The following MED13L variants were observed in gnomAD, a reference collection of about 807,000 sequenced individuals.
MED13L encodes the protein mediator of RNA polymerase II transcription subunit 13-like.
MED13L carries 7 observed loss-of-function variants against 220.9 expected under a neutral mutation model. The ratio of observed to expected loss-of-function variants is 0.03; its 90% CI spans 0.02 to 0.06. The LOEUF is 0.06. Among genes scored for constraint, MED13L ranks in the 10% least tolerant of loss-of-function variants. The pLI is 1.00. For synonymous variants in MED13L, 1,011 were observed against 1,015.2 expected (o/e 1.00, Z 0.08); for missense variants, 1,965 against 2,760.5 (o/e 0.71, Z 6.46).
At chr12:116,236,076 T>C (rs10850599) in intron 2 of MED13L, among the ~76,000 whole-genome samples, 16,406 of 152,206 alleles carry the variant, frequency 0.11, 1,638 homozygotes, top group East Asian at 0.39. Context: ...CTAGGTGACA[T>C]CTTATTTTTA....
intron 25 of MED13L, 73 bp downstream of exon 25, chr12:115,975,098 T>C: frequency 7.0e-7 from 1 of 1,431,344 alleles, no homozygotes. Flanking sequence ...ATTTTCTCCC[T>C]TAGCTCAGTT....
At chr12:116,086,314 A>T (rs1871683644) in intron 4 of MED13L, among the ~76,000 whole-genome samples, 1 of 137,200 alleles carries the variant, frequency 7.3e-6, no homozygotes. Flanking sequence ...CAAGAGTCTC[A>T]TTCTTGTTGC....
chr12:116,274,041 G>T (rs1873609203), intron 1 of MED13L, among the ~76,000 whole-genome samples: 1 of 152,120 alleles, frequency 6.6e-6, no homozygotes, highest in Non-Finnish European at 1.5e-5. Flanking sequence ...GAGTCAGAAA[G>T]GCACAGGCAG....
chr12:116,263,570 A>ATCTTACTATGT (rs1593224285), intron 1 of MED13L, among the ~76,000 whole-genome samples: 2 of 152,218 alleles, frequency 1.3e-5, no homozygotes, highest in East Asian at 3.8e-4. Context: ...TGTGTGGGCT[A>ATCTTACTATGT]GCTACTAGCT....
intron 2 of MED13L, among the ~76,000 whole-genome samples, chr12:116,146,786 T>C (rs1391985589): frequency 6.6e-6 from 1 of 151,872 alleles, no homozygotes; most frequent in Non-Finnish European, 1.5e-5. Flanking sequence ...AAAAATTGCT[T>C]GAACCCAGGA....
intron 2 of MED13L, among the ~76,000 whole-genome samples, chr12:116,127,001 T>A (rs974230739): frequency 3.9e-5 from 6 of 152,084 alleles, no homozygotes; most frequent in African/African-American, 1.2e-4. Context: ...AAAAAATATA[T>A]ATATTTTCCA....
At chr12:116,047,441 C>A (rs951758306) in intron 4 of MED13L, among the ~76,000 whole-genome samples, 1 of 152,176 alleles carries the variant, frequency 6.6e-6, no homozygotes, top group African/African-American at 2.4e-5. Flanking sequence ...GAGCAAGAAA[C>A]ACCATTTCTT....
intron 2 of MED13L, among the ~76,000 whole-genome samples, chr12:116,168,604 G>C (rs911917714): frequency 6.6e-6 from 1 of 152,130 alleles, no homozygotes; most frequent in Non-Finnish European, 1.5e-5. Flanking sequence ...TCTAATCAAT[G>C]AAAAAATATA....
Position 115,968,922 on chromosome 12 carries a change from A to C in MED13L, c.6225+18T>G. 6.2e-7 allele frequency: 1 copy of C among 1,613,802 alleles called. No homozygotes were observed. Among genetic ancestry groups the C allele is most frequent in the South Asian group, 1.1e-5 (1 of 91,078 alleles). ...AGGCTATGGTTGTCTTAAACAACGT[A>C]CTCCAAATCATCCTTACCCGACTAT... On this transcript the variant is annotated intron_variant, in intron 28 of 30. Transcript: ENST00000281928.
rs77587044 is a variant in MED13L, at chr12:116,163,177, A to G, written c.311-51665T>C. Among the ~76,000 whole-genome samples the G allele has an allele frequency of 2.6e-3, 389 of 152,304 alleles. 7 individuals are homozygous for G. In the East Asian group the frequency reaches 0.048, roughly 19 times the overall value. ...CAAAATACAAACAAAACTGCCTAATATATTCATGAATCAAAACAAAGGTTT... is the reference window on the plus strand; with the variant it reads ...CAAAATACAAACAAAACTGCCTAATGTATTCATGAATCAAAACAAAGGTTT... On this transcript the variant is annotated intron_variant, in intron 2 of 30. Coordinates refer to ENST00000281928, the MANE Select transcript of MED13L (RefSeq NM_015335.5).
intron 4 of MED13L, among the ~76,000 whole-genome samples, chr12:116,028,042 G>A (rs1037157790): frequency 6.6e-6 from 1 of 152,084 alleles, no homozygotes; most frequent in Non-Finnish European, 1.5e-5. Flanking sequence ...GAACCAATAG[G>A]GCTAAAAAGA....
intron 4 of MED13L, among the ~76,000 whole-genome samples, chr12:116,023,502 T>C (rs572530590): frequency 6.6e-6 from 1 of 152,302 alleles, no homozygotes; most frequent in East Asian, 1.9e-4. Context: ...ATGCTGCTTC[T>C]TTTCAAAACT....
At chr12:116,206,183 C>A (rs551419279) in intron 2 of MED13L, among the ~76,000 whole-genome samples, 11 of 147,148 alleles carry the variant, frequency 7.5e-5, no homozygotes, top group Non-Finnish European at 1.6e-4. Flanking sequence ...TGGGTTCAAG[C>A]AGTTCTCCTG....
chr12:116,193,011 C>A (rs11067939), intron 2 of MED13L, among the ~76,000 whole-genome samples: 1,778 of 152,280 alleles, frequency 0.012, 20 homozygotes, highest in Admixed American at 0.016. Flanking sequence ...GCCTGTAGTC[C>A]CAGCTACTCA....
chr12:115,985,533 A>G (rs1877624821), intron 19 of MED13L, among the ~76,000 whole-genome samples: 1 of 152,244 alleles, frequency 6.6e-6, no homozygotes, highest in South Asian at 2.1e-4. Flanking sequence ...AATATTTTAC[A>G]GATATTAATT....
At position 115,968,961 on chromosome 12, in the gene MED13L, G is replaced by A. The variant is rs1024930188; in HGVS notation, c.6204C>T (p.Gly2068=). The A allele has an allele frequency of 3.7e-6, 6 of 1,613,996 alleles. No homozygotes were observed. Among genetic ancestry groups the A allele is most frequent in the Non-Finnish European group, 4.2e-6 (5 of 1,179,948 alleles). The change falls in exon 28 of 31, where the codon GGC becomes GGT. Residue 2068 remains glycine (G), a synonymous_variant. Coordinates refer to ENST00000281928, the MANE Select transcript of MED13L (RefSeq NM_015335.5). ...TTACCCGACTATGCTGGAAGTGAGA[G>A]CCCACACCAATTCCAGAAGGAGAGC... ...SPGSPSGIGV[G]SHFQHSRSQG... is the part of the protein sequence containing the mutation.
intron 4 of MED13L, among the ~76,000 whole-genome samples, chr12:116,079,562 C>T (rs574935376): frequency 8.6e-5 from 13 of 151,772 alleles, no homozygotes; most frequent in Non-Finnish European, 1.6e-4. Flanking sequence ...TATGTTTTTG[C>T]GACAGGGTCT....
chr12:115,983,305 C>T lies in MED13L; in HGVS notation c.4767G>A (p.Ser1589=), dbSNP rs573917510. 92 of 1,614,158 alleles carry T rather than the reference C, an allele frequency of 5.7e-5. 1 individual carries two copies. In the East Asian group the frequency reaches 1.5e-3, roughly 26 times the overall value. Residue 1589 remains serine, a synonymous_variant, in exon 21 of 31, where the codon TCG becomes TCA. Transcript: ENST00000281928. ...ASGSSVPPVS[S]SASAPGISQI... is the part of the protein sequence containing the mutation. ...GGCTAATACCAGGAGCAGAGGCAGA[C>T]GATGAGACCGGTGGCACAGAGGAAC...
At chr12:116,138,753 C>G (rs1322547649) in intron 2 of MED13L, among the ~76,000 whole-genome samples, 6 of 152,204 alleles carry the variant, frequency 3.9e-5, no homozygotes, top group Non-Finnish European at 7.3e-5. Context: ...AATGTGTGAA[C>G]ACTTTATTCT....
Sources: allele counts gnomAD v4.1 joint callset (sites outside exome capture counted in the v4.1 genomes callset), GRCh38; gene constraint gnomAD v4.1.1; transcripts MANE v1.5; gene names NCBI Gene and HGNC (gene_info 2026-07-23, HGNC 2026-07-21).